MAMLD1: variants seen among roughly 807,000 people sequenced by gnomAD.
MAMLD1 encodes the protein mastermind like domain containing 1.
MAMLD1 carries 14 observed loss-of-function variants against 45.0 expected under a neutral mutation model. The observed-to-expected ratio is 0.31, with a 90% CI of 0.21 to 0.49. The LOEUF is 0.49. Ranked by LOEUF, MAMLD1 falls within the 20% of genes least tolerant of loss-of-function variation. The probability of loss-of-function intolerance (pLI) is 0.99; values close to 1 mark genes in which losing one functional copy is unlikely to be tolerated. For synonymous variants in MAMLD1, 254 were observed against 247.8 expected (o/e 1.02, Z -0.24); for missense variants, 543 against 603.6 (o/e 0.90, Z 1.05).
chrX:150,464,977 G>A (rs1217646042), intron 3 of MAMLD1, among the ~76,000 whole-genome samples: 18 of 112,347 alleles, frequency 1.6e-4, no homozygotes, highest in Admixed American at 1.6e-3. Flanking sequence ...ATAAACCACA[G>A]GCGATTTTCA....
intron 5 of MAMLD1, among the ~76,000 whole-genome samples, chrX:150,500,834 G>A (rs1050511968): frequency 5.4e-5 from 6 of 112,133 alleles, no homozygotes; most frequent in Admixed American, 9.4e-5. Flanking sequence ...ATGGAGAAAA[G>A]ACACAAGCAT....
upstream of MAMLD1, among the ~76,000 whole-genome samples, chrX:150,361,908 C>G (rs2031010464): frequency 8.9e-6 from 1 of 112,822 alleles, no homozygotes; most frequent in African/African-American, 3.2e-5. Context: ...GGGAGCCAAT[C>G]CAGCCCAGCT....
chrX:150,491,547 A>G (rs1335807169), intron 5 of MAMLD1, among the ~76,000 whole-genome samples: 3 of 112,427 alleles, frequency 2.7e-5, no homozygotes, highest in African/African-American at 9.7e-5. Flanking sequence ...GGCCATTTAT[A>G]TACACTAATG....
Position 150,470,332 on chromosome X carries a change from C to T in MAMLD1, c.759C>T (p.Ile253=), listed in dbSNP as rs782247647. 5 of 1,208,073 alleles carry T rather than the reference C, an allele frequency of 4.1e-6. No individual in the cohort carries two copies. In the South Asian group the frequency reaches 7.1e-5, roughly 17 times the overall value. Residue 253 remains isoleucine (I), a synonymous_variant, in exon 4 of 8, where the codon ATC becomes ATT. Coordinates refer to ENST00000370401, the MANE Select transcript of MAMLD1 (RefSeq NM_005491.5). The stretch of plus-strand genomic sequence containing the variant: ...AAGTTACTGGCATGTCACTTCAGAT[C>T]CCATCCTCCTCCACAGGGATCAGCT... ...CSQVTGMSLQ[I]PSSSTGISYS...
Position 150,470,051 on chromosome X carries a change from G to A in MAMLD1, c.478G>A (p.Val160Ile). Residue 160 changes from valine (V) to isoleucine (I), a missense_variant, in exon 4 of 8, where the codon GTT (valine) becomes ATT (isoleucine). By Grantham distance (29) the Val-to-Ile change is conservative. Coordinates refer to ENST00000370401, the MANE Select transcript of MAMLD1 (RefSeq NM_005491.5). ...AGAAGTGGGACTGAAAGGGCCCACT[G>A]TTCCTTACTATGAGAAAATCAACAG... The part of the protein sequence containing the change: ...TTEVGLKGPT[V>I]PYYEKINSVP... The A allele has an allele frequency of 5.0e-6, 6 of 1,211,852 alleles. No individual in the cohort carries two copies. The highest frequency in any genetic ancestry group is 6.7e-6 in the Non-Finnish European group (6 of 895,508).
In MAMLD1 at chrX:150,434,691, G is replaced by A. The variant is rs184991382; in HGVS notation, c.-63-10763G>A. Among the ~76,000 whole-genome samples, 208 of 112,160 alleles carry A rather than the reference G, an allele frequency of 1.9e-3. 1 individual carries two copies. Among genetic ancestry groups the A allele is most frequent in the Non-Finnish European group, 3.1e-3 (165 of 53,236 alleles). ...TTACTCAGAAGTCATTCAGGAGGACGTTGTTTAATTTCCATGTAATCATAT... is the reference window on the plus strand; with the variant it reads ...TTACTCAGAAGTCATTCAGGAGGACATTGTTTAATTTCCATGTAATCATAT... On this transcript the variant is annotated intron_variant, in intron 1 of 7. Coordinates refer to ENST00000370401, the MANE Select transcript of MAMLD1 (RefSeq NM_005491.5).
At chrX:150,378,995 G>T (rs1348458921) in intron 1 of MAMLD1, among the ~76,000 whole-genome samples, 1 of 111,991 alleles carries the variant, frequency 8.9e-6, no homozygotes. Context: ...AAAAGCATGC[G>T]CATTTCTACA....
chrX:150,453,185 A>G (rs782270013), intron 2 of MAMLD1, among the ~76,000 whole-genome samples: 1 of 112,387 alleles, frequency 8.9e-6, no homozygotes, highest in African/African-American at 3.2e-5. Flanking sequence ...GCTCTAGGTC[A>G]GAGGTTGGCA....
rs1448025912 is a variant in MAMLD1, at chrX:150,494,258, G to A, written c.2041-9016G>A. Reference sequence around the variant, plus strand: ...AAAATACAAAAATTAGCTGGTCGTGGTGGTGCCTGCCTGTAATCCCAGCTA... The same window carrying A: ...AAAATACAAAAATTAGCTGGTCGTGATGGTGCCTGCCTGTAATCCCAGCTA... On this transcript the variant is annotated intron_variant, in intron 5 of 7. Transcript: ENST00000370401. Among the ~76,000 whole-genome samples, 3 of 111,577 alleles carry A rather than the reference G, an allele frequency of 2.7e-5. No individual in the cohort carries two copies. In the East Asian group the frequency reaches 8.5e-4, roughly 32 times the overall value.
rs782482704 is a variant in MAMLD1, at chrX:150,506,892, G to A, written c.2285-3070G>A. 4.1e-4 allele frequency among the ~76,000 whole-genome samples: 46 copies of A among 112,573 alleles called. No homozygotes were observed. In the South Asian group the frequency reaches 0.014, roughly 34 times the overall value. The stretch of plus-strand genomic sequence containing the variant: ...GGTGGGGGCTTTACAGCTCCCTGGC[G>A]TCAGCCTAAAGCTTCTAGAAAGGCA... On this transcript the variant is annotated intron_variant, in intron 6 of 7. Transcript: ENST00000370401.
At chrX:150,438,866 A>G (rs2035205457) in intron 1 of MAMLD1, among the ~76,000 whole-genome samples, 1 of 112,046 alleles carries the variant, frequency 8.9e-6, no homozygotes, top group Non-Finnish European at 1.9e-5. Context: ...TATACCGAGG[A>G]GTGGAATTGT....
At chrX:150,456,716 C>A (rs2035878982) in intron 2 of MAMLD1, among the ~76,000 whole-genome samples, 1 of 112,513 alleles carries the variant, frequency 8.9e-6, no homozygotes, top group Non-Finnish European at 1.9e-5. Context: ...GCAGACACGT[C>A]TCTTGCTGCT....
At chrX:150,382,901 A>ATTT (rs1477501446) in intron 1 of MAMLD1, among the ~76,000 whole-genome samples, 8 of 40,117 alleles carry the variant, frequency 2.0e-4, no homozygotes, top group East Asian at 5.2e-4. Flanking sequence ...TTTTTTTTTT[A>ATTT]TTTTTTATTT....
chrX:150,381,097 A>G (rs1402564253), intron 1 of MAMLD1, among the ~76,000 whole-genome samples: 2 of 110,877 alleles, frequency 1.8e-5, no homozygotes, highest in Non-Finnish European at 3.8e-5. Flanking sequence ...ATTATTATAT[A>G]TTCAGTCTCC....
intron 1 of MAMLD1, among the ~76,000 whole-genome samples, chrX:150,415,660 A>G (rs1178619279): frequency 7.1e-5 from 8 of 112,206 alleles, no homozygotes; most frequent in African/African-American, 2.6e-4. Flanking sequence ...TTGATAATCA[A>G]CTATGCTTAC....
intron 6 of MAMLD1, among the ~76,000 whole-genome samples, chrX:150,506,116 A>G (rs679149): frequency 9.0e-6 from 1 of 110,650 alleles, no homozygotes; most frequent in East Asian, 2.9e-4. Context: ...TTCCTTGTGG[A>G]ATACACTAGT....
intron 5 of MAMLD1, among the ~76,000 whole-genome samples, chrX:150,494,602 C>T (rs1469814172): frequency 3.6e-5 from 4 of 111,137 alleles, no homozygotes; most frequent in African/African-American, 9.8e-5. Context: ...GTGGCGGGGC[C>T]GGGTACGGTG....
Position 150,445,437 on chromosome X carries a change from C to A in MAMLD1, c.-63-17C>A. ...ATCTTCATATCTGAAAGACAGTGTA[C>A]TTTTTGTCTCCCTAAGCCCTGTGTC... is the stretch of plus-strand genomic sequence containing the variant. On this transcript the variant is annotated splice_polypyrimidine_tract_variant and intron_variant, in intron 1 of 7. Coordinates refer to ENST00000370401, the MANE Select transcript of MAMLD1 (RefSeq NM_005491.5). 1 of 677,238 alleles carries A rather than the reference C, an allele frequency of 1.5e-6. No homozygotes were observed. 55.8% of individuals were successfully genotyped at this position (677,238 alleles called of 1,213,427 possible). A position where few individuals can be genotyped will look rare whatever the true frequency, so the allele number is the denominator to read the frequency against.
At position 150,490,316 on chromosome X, in the gene MAMLD1, C is replaced by T. The variant is rs782703998; in HGVS notation, c.2041-12958C>T. Among the ~76,000 whole-genome samples, 14 of 112,405 alleles carry T rather than the reference C, an allele frequency of 1.2e-4. No homozygotes were observed. In the South Asian group the frequency reaches 3.0e-3, roughly 24 times the overall value. ...CAAGGCTGGCTTGACTGGCTGATAG[C>T]TAGACTATTTCTTTGTTACTTTGTC... On this transcript the variant is annotated intron_variant, in intron 5 of 7. Coordinates refer to ENST00000370401, the MANE Select transcript of MAMLD1 (RefSeq NM_005491.5).
Sources: gnomAD v4.1 joint callset for allele counts (sites outside exome capture counted in the v4.1 genomes callset) on GRCh38, gnomAD v4.1.1 for gene constraint, MANE v1.5 for transcripts, NCBI Gene and HGNC (gene_info 2026-07-23, HGNC 2026-07-21) for gene names.